Variants in CPAP observed in about 807,000 individuals in gnomAD.
CPAP encodes centrosome assembly and centriole elongation protein.
chr13:24,889,459 G>C, the CPAP span: 13 of 1,142,428 alleles, frequency 1.1e-5, no homozygotes, highest in East Asian at 3.1e-4. Context: ...AATACACTAA[G>C]TGAAACTAAT....
chr13:24,924,621 T>C, the CPAP span: 4 of 152,344 alleles, frequency 2.6e-5, no homozygotes, highest in East Asian at 7.7e-4. Flanking sequence ...TATCAGTGGT[T>C]CCTATCCTTG....
At chr13:24,929,600 T>C in the CPAP span, among the ~76,000 whole-genome samples, 1 of 152,234 alleles carries the variant, frequency 6.6e-6, no homozygotes, top group African/African-American at 2.4e-5. Context: ...TTGTGAACTC[T>C]TTGAGTTTAT....
At chr13:24,883,791 G>GA in the CPAP span, among the ~76,000 whole-genome samples, 1 of 152,172 alleles carries the variant, frequency 6.6e-6, no homozygotes, top group East Asian at 1.9e-4. Flanking sequence ...AGGAGAATGT[G>GA]AAAAATAATT....
the CPAP span, chr13:24,907,871 ACAT>A: frequency 1.5e-6 from 1 of 653,294 alleles, no homozygotes; most frequent in Admixed American, 2.4e-5. Context: ...TGTTGACAGT[ACAT>A]AATAGGTTGT....
the CPAP span, chr13:24,910,148 A>G: frequency 5.4e-6 from 8 of 1,473,150 alleles, no homozygotes; most frequent in Non-Finnish European, 7.5e-6. Context: ...TTTTATCCCC[A>G]GTAGTGACCC....
At chr13:24,905,505 C>A in the CPAP span, 2 of 1,614,206 alleles carry the variant, frequency 1.2e-6, no homozygotes, top group Non-Finnish European at 1.7e-6. Context: ...CCCCTCTTGA[C>A]TGGTGCAATC....
the CPAP span, chr13:24,905,473 C>G: frequency 6.2e-7 from 1 of 1,614,184 alleles, no homozygotes; most frequent in Non-Finnish European, 8.5e-7. Context: ...TTCTGCTCCT[C>G]CTGGACTTGC....
chr13:24,918,003 G>A, the CPAP span, among the ~76,000 whole-genome samples: 2 of 152,298 alleles, frequency 1.3e-5, no homozygotes, highest in South Asian at 2.1e-4. Context: ...CTGTTGCATT[G>A]GGAATTAAGT....
the CPAP span, among the ~76,000 whole-genome samples, chr13:24,903,674 T>C: frequency 6.6e-6 from 1 of 152,214 alleles, no homozygotes; most frequent in East Asian, 1.9e-4. Context: ...CACTTGAAGG[T>C]ACCATAGCTC....
chr13:24,906,118 CAA>C, the CPAP span: 1 of 1,612,776 alleles, frequency 6.2e-7, no homozygotes, highest in Non-Finnish European at 8.5e-7. Flanking sequence ...CAGTGTGGTC[CAA>C]ATCCTCACTG....
chr13:24,894,027 A>G, the CPAP span, among the ~76,000 whole-genome samples: 52 of 152,142 alleles, frequency 3.4e-4, no homozygotes, highest in African/African-American at 1.2e-3. Context: ...GTGTCACTGA[A>G]CAGAGCTGGG....
At chr13:24,894,286 G>A in the CPAP span, among the ~76,000 whole-genome samples, 4 of 152,240 alleles carry the variant, frequency 2.6e-5, no homozygotes, top group East Asian at 7.7e-4. Flanking sequence ...CGGAGGCCAA[G>A]CCGCCAGCAA....
At chr13:24,922,444 G>A in the CPAP span, among the ~76,000 whole-genome samples, 210 of 151,902 alleles carry the variant, frequency 1.4e-3, no homozygotes, top group Middle Eastern at 0.01. Context: ...TCACCACCCT[G>A]CTCCAGCGGA....
the CPAP span, among the ~76,000 whole-genome samples, chr13:24,923,834 A>AT: frequency 6.6e-6 from 1 of 151,350 alleles, no homozygotes; most frequent in Non-Finnish European, 1.5e-5. Context: ...TCTTTTTTTA[A>AT]TTTTTATTTT....
At chr13:24,897,579 T>C in the CPAP span, among the ~76,000 whole-genome samples, 1 of 152,142 alleles carries the variant, frequency 6.6e-6, no homozygotes, top group African/African-American at 2.4e-5. Context: ...AGTGCTTAGG[T>C]GAGTAAATTA....
chr13:24,931,127 C>T, the CPAP span, among the ~76,000 whole-genome samples: 1 of 151,964 alleles, frequency 6.6e-6, no homozygotes, highest in Admixed American at 6.6e-5. Context: ...TTTTTGAGAC[C>T]TTGTTCTCCT....
the CPAP span, among the ~76,000 whole-genome samples, chr13:24,922,402 G>A: frequency 2.0e-5 from 3 of 152,124 alleles, no homozygotes; most frequent in African/African-American, 7.3e-5. Context: ...GCTGGGGCAA[G>A]ACCGGCCCTT....
the CPAP span, chr13:24,903,995 TTTTCTA>T: frequency 1.9e-6 from 3 of 1,614,106 alleles, no homozygotes; most frequent in Non-Finnish European, 8.5e-7. Flanking sequence ...AGCTTTAAAC[TTTTCTA>T]TTTCTGTTTC....
At chr13:24,914,192 G>A in the CPAP span, among the ~76,000 whole-genome samples, 1 of 152,100 alleles carries the variant, frequency 6.6e-6, no homozygotes, top group East Asian at 1.9e-4. Context: ...AAGGACCAAG[G>A]GATGGAGAAG....
Sources: gnomAD v4.1 joint callset for allele counts (sites outside exome capture counted in the v4.1 genomes callset) on GRCh38, gnomAD v4.1.1 for gene constraint, MANE v1.5 for transcripts, NCBI Gene and HGNC (gene_info 2026-07-23, HGNC 2026-07-21) for gene names.